CLASP1: variants seen among roughly 807,000 people sequenced by gnomAD.
CLASP1 encodes the protein CLIP-associating protein 1.
Under a neutral mutation model 192.3 loss-of-function variants are expected in CLASP1, and 38 were observed. The observed-to-expected ratio is 0.20, with a 90% CI of 0.15 to 0.26. The LOEUF (loss-of-function observed/expected upper bound fraction) is 0.26, where lower values mean the gene tolerates loss of function less well. Ranked by LOEUF, CLASP1 falls within the 10% of genes least tolerant of loss-of-function variation. CLASP1 has a pLI of 1.00. For synonymous variants in CLASP1, 691 were observed against 712.8 expected (o/e 0.97, Z 0.49); for missense variants, 1,433 against 1,932.5 (o/e 0.74, Z 4.85).
intron 2 of CLASP1, among the ~76,000 whole-genome samples, chr2:121,603,789 C>T (rs2064084975): frequency 6.6e-6 from 1 of 152,168 alleles, no homozygotes; most frequent in Admixed American, 6.5e-5. Context: ...AACTAGAGGG[C>T]ATTATGTTAA....
exon 38 of CLASP1, chr2:121,348,575 G>A (rs755512124): frequency 2.2e-5 from 36 of 1,613,538 alleles, no homozygotes; most frequent in Admixed American, 8.3e-5. Flanking sequence ...CGATCCTCTC[G>A]ACGACTTTGG....
intron 39 of CLASP1, among the ~76,000 whole-genome samples, chr2:121,344,348 T>C (rs1047761232): frequency 4.6e-5 from 7 of 152,102 alleles, no homozygotes; most frequent in Admixed American, 3.9e-4. Context: ...ACCTTTTTTT[T>C]TGAGACAGAG....
chr2:121,603,806 T>C (rs1322021767), intron 2 of CLASP1, among the ~76,000 whole-genome samples: 2 of 152,172 alleles, frequency 1.3e-5, no homozygotes, highest in Admixed American at 1.3e-4. Flanking sequence ...TTAAGTGAAA[T>C]AAGCCAGGAA....
intron 19 of CLASP1, among the ~76,000 whole-genome samples, chr2:121,431,012 G>A (rs1289483905): frequency 2.0e-5 from 3 of 151,194 alleles, no homozygotes; most frequent in African/African-American, 7.3e-5. Flanking sequence ...TGGTTTCGAG[G>A]GAGCACAAAA....
intron 37 of CLASP1, among the ~76,000 whole-genome samples, chr2:121,356,642 A>G (rs370371731): frequency 6.6e-6 from 1 of 152,246 alleles, no homozygotes; most frequent in South Asian, 2.1e-4. Context: ...AAATCTTATC[A>G]TCCAACTCTA....
intron 28 of CLASP1, among the ~76,000 whole-genome samples, chr2:121,399,424 G>A (rs1348577180): frequency 6.6e-6 from 1 of 152,128 alleles, no homozygotes; most frequent in Non-Finnish European, 1.5e-5. Context: ...CCTTCTTCTG[G>A]CAGCATGGGG....
intron 1 of CLASP1, among the ~76,000 whole-genome samples, chr2:121,638,263 CTACTTATATTAT>C (rs2071279952): frequency 2.0e-5 from 3 of 151,826 alleles, no homozygotes; most frequent in Admixed American, 6.6e-5. Context: ...AATTAAGATA[CTACTTATATTAT>C]AGAATGGTTA....
At chr2:121,384,103 T>C (rs1409645419) in intron 32 of CLASP1, among the ~76,000 whole-genome samples, 2 of 136,626 alleles carry the variant, frequency 1.5e-5, no homozygotes, top group South Asian at 2.3e-4. Context: ...TACACACATA[T>C]ATATGTATAT....
chr2:121,530,680 G>A (rs1028871333), intron 2 of CLASP1: 9 of 514,088 alleles, frequency 1.8e-5, no homozygotes, highest in Admixed American at 3.4e-5. Context: ...CCGACGCGCG[G>A]TCTTCTGGGT....
At chr2:121,619,827 C>G (rs900055252) in intron 1 of CLASP1, among the ~76,000 whole-genome samples, 6 of 152,090 alleles carry the variant, frequency 3.9e-5, no homozygotes, top group African/African-American at 1.4e-4. Context: ...CCTTGAAACT[C>G]CCTCAAAGAT....
intron 2 of CLASP1, among the ~76,000 whole-genome samples, chr2:121,580,057 AC>A (rs1169779826): frequency 6.6e-6 from 1 of 152,204 alleles, no homozygotes; most frequent in Non-Finnish European, 1.5e-5. Flanking sequence ...AAAAAGTGGG[AC>A]TGATGCAGTG....
chr2:121,457,953 G>A (rs1172207263), intron 13 of CLASP1, among the ~76,000 whole-genome samples, 196 bp from the exon 14 acceptor site: 3 of 152,096 alleles, frequency 2.0e-5, no homozygotes, highest in African/African-American at 7.2e-5. Context: ...TTAAGAACAG[G>A]CAACATGATG....
At chr2:121,516,226 TAAG>T (rs1472536675) in intron 6 of CLASP1, among the ~76,000 whole-genome samples, 2 of 152,172 alleles carry the variant, frequency 1.3e-5, no homozygotes, top group Non-Finnish European at 2.9e-5. Context: ...CCCCTAGTCC[TAAG>T]AAGGAGATTT....
At chr2:121,628,949 C>CT (rs539354895) in intron 1 of CLASP1, among the ~76,000 whole-genome samples, 6 of 148,906 alleles carry the variant, frequency 4.0e-5, no homozygotes, top group South Asian at 4.2e-4. Flanking sequence ...GCTGGTCATC[C>CT]TTTTTTTTTA....
intron 8 of CLASP1, among the ~76,000 whole-genome samples, chr2:121,483,989 G>A (rs1401366453): frequency 6.6e-6 from 1 of 152,138 alleles, no homozygotes; most frequent in Non-Finnish European, 1.5e-5. Flanking sequence ...ACATTCTGAT[G>A]CATGGCCGGG....
At chr2:121,639,473 T>A (rs1268633862) in intron 1 of CLASP1, among the ~76,000 whole-genome samples, 2 of 152,038 alleles carry the variant, frequency 1.3e-5, no homozygotes, top group Non-Finnish European at 2.9e-5. Flanking sequence ...GCTACAGAGT[T>A]TCTATTTGGG....
intron 14 of CLASP1, among the ~76,000 whole-genome samples, chr2:121,457,298 C>T (rs781261270): frequency 1.3e-5 from 2 of 152,128 alleles, no homozygotes; most frequent in Non-Finnish European, 2.9e-5. Context: ...TTGATGTTTA[C>T]GGTATTTTTT....
intron 37 of CLASP1, among the ~76,000 whole-genome samples, chr2:121,355,365 G>A (rs1395937633): frequency 6.6e-6 from 1 of 152,158 alleles, no homozygotes; most frequent in African/African-American, 2.4e-5. Context: ...CTGACCTCAA[G>A]TGATCTGCCC....
At chr2:121,518,187 C>T (rs1406877883) in intron 6 of CLASP1, among the ~76,000 whole-genome samples, 1 of 135,748 alleles carries the variant, frequency 7.4e-6, no homozygotes, top group Admixed American at 8.0e-5. Context: ...GCTGAGATCA[C>T]ACCACTGCAT....
Sources: allele counts gnomAD v4.1 joint callset (sites outside exome capture counted in the v4.1 genomes callset), GRCh38; gene constraint gnomAD v4.1.1; transcripts MANE v1.5; gene names NCBI Gene and HGNC (gene_info 2026-07-23, HGNC 2026-07-21).